Variants in FRMD3 observed in about 807,000 individuals in gnomAD.
FRMD3 encodes the protein FERM domain-containing protein 3.
In FRMD3, 33 loss-of-function variants were observed where a neutral mutation model predicts 70.2. The observed-to-expected ratio is 0.47, with a 90% CI of 0.36 to 0.63. The LOEUF (loss-of-function observed/expected upper bound fraction) is 0.63, where lower values mean the gene tolerates loss of function less well. FRMD3 is among the 20% of genes least tolerant of loss of function. The pLI is 0.00. For missense variants in FRMD3, 632 were observed against 711.4 expected (o/e 0.89, Z 1.27); for synonymous variants, 279 against 255.9 (o/e 1.09, Z -0.86).
intron 13 of FRMD3, 130 bp from the exon 14 acceptor site, chr9:83,248,646 A>T: frequency 9.9e-7 from 1 of 1,007,438 alleles, no homozygotes; most frequent in Non-Finnish European, 1.4e-6. Context: ...TGGTATCCTA[A>T]GTTGTAACAA....
At chr9:83,511,835 T>A (rs1395514100) in intron 1 of FRMD3, among the ~76,000 whole-genome samples, 1 of 152,280 alleles carries the variant, frequency 6.6e-6, no homozygotes, top group South Asian at 2.1e-4. Context: ...TGTCTCCAGC[T>A]AAAATCCTGA....
At chr9:83,571,894 G>A in the FRMD3 span, among the ~76,000 whole-genome samples, 1 of 152,192 alleles carries the variant, frequency 6.6e-6, no homozygotes, top group Non-Finnish European at 1.5e-5. Context: ...TACGTAAACA[G>A]TGGTTCCCAA....
the FRMD3 span, among the ~76,000 whole-genome samples, chr9:83,546,430 G>A: frequency 6.6e-6 from 1 of 152,086 alleles, no homozygotes; most frequent in African/African-American, 2.4e-5. Context: ...CATAAATGAA[G>A]GAGAAATAAA....
Position 83,537,198 on chromosome 9 carries a change from G to T in FRMD3, c.147+887C>A, listed in dbSNP as rs1191906217. Reference sequence around the variant, plus strand: ...CAACCACATGCACACACACACCTTTGCACCTCACACTAGCTCTCCTGACAG... The same window carrying T: ...CAACCACATGCACACACACACCTTTTCACCTCACACTAGCTCTCCTGACAG... On this transcript the variant is annotated intron_variant, in intron 1 of 13. Coordinates refer to ENST00000304195, the MANE Select transcript of FRMD3 (RefSeq NM_174938.6). This position sits in a 1 kb window ranked among gnomAD's most constrained non-coding sequence, Gnocchi z 4.1. Among the ~76,000 whole-genome samples the T allele has an allele frequency of 6.6e-6, 1 of 151,974 alleles. No homozygotes were observed. The highest frequency in any genetic ancestry group is 1.5e-5 in the Non-Finnish European group (1 of 67,992).
chr9:83,349,901 T>A, intron 3 of FRMD3, 144 bp from the exon 4 acceptor site: 2 of 573,498 alleles, frequency 3.5e-6, no homozygotes, highest in Non-Finnish European at 6.2e-6. Context: ...AAGAAGCAGA[T>A]ATGATGCCCA....
chr9:83,374,011 C>T (rs1587788039), intron 2 of FRMD3, among the ~76,000 whole-genome samples: 3 of 152,162 alleles, frequency 2.0e-5, no homozygotes, highest in South Asian at 2.1e-4. Flanking sequence ...CGCCAAGTGC[C>T]GTTCAAACAT....
chr9:83,523,604 A>G (rs573217570), intron 1 of FRMD3, among the ~76,000 whole-genome samples: 63 of 152,332 alleles, frequency 4.1e-4, no homozygotes, highest in African/African-American at 1.4e-3. Flanking sequence ...CCCTTTCTCT[A>G]TGGAGGTACA....
At chr9:83,374,272 G>A (rs4877757) in intron 2 of FRMD3, among the ~76,000 whole-genome samples, 106,793 of 151,694 alleles carry the variant, frequency 0.7, 37,841 homozygotes, top group Admixed American at 0.73. Flanking sequence ...AAACTGAATC[G>A]TCAAATTAGT....
intron 2 of FRMD3, among the ~76,000 whole-genome samples, chr9:83,377,651 T>A (rs893312532): frequency 3.9e-5 from 6 of 152,082 alleles, no homozygotes; most frequent in Non-Finnish European, 8.8e-5. Flanking sequence ...TCCCACTGTG[T>A]GAGATGTCTG....
intron 4 of FRMD3, among the ~76,000 whole-genome samples, chr9:83,347,401 T>C (rs10746700): frequency 0.013 from 1,940 of 152,168 alleles, 44 homozygotes; most frequent in African/African-American, 0.043. Context: ...GAGTCATAAA[T>C]TATTGTGCTG....
At chr9:83,408,314 G>T (rs1417516868) in intron 1 of FRMD3, among the ~76,000 whole-genome samples, 2 of 152,162 alleles carry the variant, frequency 1.3e-5, no homozygotes, top group Non-Finnish European at 2.9e-5. Context: ...CTCTGTGTTG[G>T]CACAAGGATA....
At position 83,402,243 on chromosome 9, in the gene FRMD3, C is replaced by A. The variant is rs191493250; in HGVS notation, c.148-12535G>T. On this transcript the variant is annotated intron_variant, in intron 1 of 13. Coordinates refer to ENST00000304195, the MANE Select transcript of FRMD3 (RefSeq NM_174938.6). ...TCTGCTTGTGGAATTCTTAACGCCCCAGGAGCCTAACAAGGAAGACAGAAT... is the reference window on the plus strand; with the variant it reads ...TCTGCTTGTGGAATTCTTAACGCCCAAGGAGCCTAACAAGGAAGACAGAAT... Among the ~76,000 whole-genome samples the A allele has an allele frequency of 4.7e-5, 7 of 148,720 alleles. No homozygotes were observed. In the East Asian group the frequency reaches 1.2e-3, roughly 25 times the overall value.
intron 1 of FRMD3, among the ~76,000 whole-genome samples, chr9:83,438,943 C>G (rs1827217999): frequency 6.6e-6 from 1 of 152,204 alleles, no homozygotes; most frequent in Admixed American, 6.5e-5. Flanking sequence ...AGAAAGAAAA[C>G]CCTTCTGGAG....
At chr9:83,461,665 CTTTTTTTTTTTTTTTTTTTTTTTTTTTT>C (rs200147815) in intron 1 of FRMD3, among the ~76,000 whole-genome samples, 3 of 70,684 alleles carry the variant, frequency 4.2e-5, no homozygotes, top group Admixed American at 2.2e-4. Context: ...AGGAATTTCC[CTTTTTTTTTTTTTTTTTTTTTTTTTTTT>C]TTTTTTTTTT....
At chr9:83,358,023 C>T (rs1824459474) in intron 3 of FRMD3, among the ~76,000 whole-genome samples, 2 of 152,126 alleles carry the variant, frequency 1.3e-5, no homozygotes, top group Admixed American at 1.3e-4. Flanking sequence ...AAGGGTTTAT[C>T]CCATGTTATC....
At chr9:83,520,006 A>T (rs923058094) in intron 1 of FRMD3, among the ~76,000 whole-genome samples, 19 of 152,156 alleles carry the variant, frequency 1.2e-4, no homozygotes, top group African/African-American at 2.4e-5. Flanking sequence ...GATGGGGGAA[A>T]AGGGGAAGGA....
chr9:83,462,569 TG>T (rs1338859372), intron 1 of FRMD3, among the ~76,000 whole-genome samples: 1 of 152,184 alleles, frequency 6.6e-6, no homozygotes, highest in Non-Finnish European at 1.5e-5. Context: ...CCTAGTACAT[TG>T]TTTCCATGGT....
In FRMD3 at chr9:83,385,740, GA is replaced by G. The variant is rs148223409; in HGVS notation, c.252+3863del. Among the ~76,000 whole-genome samples the G allele has an allele frequency of 6.4e-3, 936 of 146,688 alleles. 4 individuals carry two copies. The highest frequency in any genetic ancestry group is 0.02 in the African/African-American group (796 of 40,090). ...CATTCAGAAAAATACAGGAGCTGGT[GA>G]AAAAAAAAAATGTTGGTCAATTAAT... On this transcript the variant is annotated intron_variant, in intron 2 of 13. Coordinates refer to ENST00000304195, the MANE Select transcript of FRMD3 (RefSeq NM_174938.6).
At chr9:83,319,738 G>C (rs1271522097) in intron 6 of FRMD3, among the ~76,000 whole-genome samples, 1 of 152,160 alleles carries the variant, frequency 6.6e-6, no homozygotes, top group South Asian at 2.1e-4. Context: ...TCTCTTGATA[G>C]TGAATGGGTC....
Sources: allele counts gnomAD v4.1 joint callset (sites outside exome capture counted in the v4.1 genomes callset), GRCh38; gene constraint gnomAD v4.1.1; non-coding constraint Gnocchi (gnomAD v3.1); transcripts MANE v1.5; gene names NCBI Gene and HGNC (gene_info 2026-07-23, HGNC 2026-07-21).